The following NAALADL2 variants were observed in gnomAD, a reference collection of about 807,000 sequenced individuals.
NAALADL2 encodes the protein N-acetylated alpha-linked acidic dipeptidase like 2.
In NAALADL2, 76 loss-of-function variants were observed where a neutral mutation model predicts 87.2. That is an observed-to-expected ratio of 0.87 (90% confidence interval 0.72 to 1.05). The LOEUF (loss-of-function observed/expected upper bound fraction) is 1.05, where lower values mean the gene tolerates loss of function less well. NAALADL2 is among the 50% of genes least tolerant of loss of function. The pLI, the probability that NAALADL2 is intolerant of heterozygous loss-of-function variation, is 0.00. For synonymous variants in NAALADL2, 354 were observed against 331.0 expected, an observed-to-expected ratio of 1.07 and a Z score of -0.75; for missense variants, 1,089 against 945.8, an observed-to-expected ratio of 1.15 and a Z score of -1.99.
chr3:174,537,465 A>G (rs1578116984), intron 1 of NAALADL2, among the ~76,000 whole-genome samples: 1 of 152,338 alleles, frequency 6.6e-6, no homozygotes, highest in African/African-American at 2.4e-5. Context: ...CATTCATTCA[A>G]CAAATATTTA....
At chr3:175,788,948 G>T (rs1046111030) in intron 13 of NAALADL2, among the ~76,000 whole-genome samples, 2 of 152,078 alleles carry the variant, frequency 1.3e-5, no homozygotes, top group Non-Finnish European at 2.9e-5. Context: ...TTCTGAGGAA[G>T]GGAAGATAAA....
At chr3:174,548,989 C>T (rs1307588524) in intron 1 of NAALADL2, among the ~76,000 whole-genome samples, 1 of 152,114 alleles carries the variant, frequency 6.6e-6, no homozygotes. Flanking sequence ...TACAGTCATG[C>T]AGCACCATGC....
intron 11 of NAALADL2, among the ~76,000 whole-genome samples, chr3:175,688,601 A>G (rs573225337): frequency 6.6e-6 from 1 of 152,274 alleles, no homozygotes; most frequent in African/African-American, 2.4e-5. Flanking sequence ...GTAGATAAGC[A>G]GAGACACAGG....
intron 12 of NAALADL2, among the ~76,000 whole-genome samples, chr3:175,750,605 C>T (rs114262428): frequency 0.022 from 3,370 of 152,184 alleles, 42 homozygotes; most frequent in Non-Finnish European, 0.034. Context: ...AAATGGAACA[C>T]TCTCCCTCAA....
At chr3:174,483,329 T>C (rs1247074415) in intron 1 of NAALADL2, among the ~76,000 whole-genome samples, 1 of 152,008 alleles carries the variant, frequency 6.6e-6, no homozygotes, top group Admixed American at 6.6e-5. Context: ...AGTCACCTTC[T>C]TCACAAGGTG....
chr3:175,210,019 A>G (rs1316201458), intron 2 of NAALADL2, among the ~76,000 whole-genome samples: 1 of 151,924 alleles, frequency 6.6e-6, no homozygotes, highest in Non-Finnish European at 1.5e-5. Context: ...TATTAATATT[A>G]TACATACAAT....
chr3:175,609,132 A>C (rs2149667279), intron 10 of NAALADL2, among the ~76,000 whole-genome samples: 1 of 152,246 alleles, frequency 6.6e-6, no homozygotes, highest in Admixed American at 6.5e-5. Context: ...GATTAACAAA[A>C]GGTTTTCAGT....
At chr3:174,778,480 T>G (rs1715508908) in intron 3 of NAALADL2, among the ~76,000 whole-genome samples, 1 of 151,984 alleles carries the variant, frequency 6.6e-6, no homozygotes, top group African/African-American at 2.4e-5. Context: ...TGTTATTTAT[T>G]TATTTATTTA....
chr3:174,865,195 A>T (rs532469564), intron 1 of NAALADL2, among the ~76,000 whole-genome samples: 137 of 152,196 alleles, frequency 9.0e-4, no homozygotes, highest in Admixed American at 4.2e-3. Context: ...GTCCAAAAAA[A>T]AATAATAAAG....
At chr3:175,411,652 A>G (rs1713540809) in intron 5 of NAALADL2, among the ~76,000 whole-genome samples, 1 of 152,164 alleles carries the variant, frequency 6.6e-6, no homozygotes, top group Non-Finnish European at 1.5e-5. Context: ...TGTAACAAAG[A>G]AAAGGGATGG....
intron 2 of NAALADL2, among the ~76,000 whole-genome samples, chr3:174,700,105 G>C (rs917627464): frequency 1.4e-5 from 2 of 140,028 alleles, no homozygotes; most frequent in African/African-American, 5.6e-5. Flanking sequence ...TGAAAGCATT[G>C]ATCTGAAAAA....
At chr3:174,505,712 T>TA (rs1430656890) in intron 1 of NAALADL2, among the ~76,000 whole-genome samples, 21 of 152,166 alleles carry the variant, frequency 1.4e-4, no homozygotes, top group African/African-American at 5.1e-4. Flanking sequence ...TCTGACACTT[T>TA]AAAAAATCAT....
At chr3:175,411,362 A>G (rs1713477258) in intron 5 of NAALADL2, among the ~76,000 whole-genome samples, 1 of 152,172 alleles carries the variant, frequency 6.6e-6, no homozygotes, top group Non-Finnish European at 1.5e-5. Flanking sequence ...AAGAGGGATT[A>G]AGTAGTATGT....
At chr3:174,873,167 A>G (rs991300041) in intron 1 of NAALADL2, among the ~76,000 whole-genome samples, 1 of 151,918 alleles carries the variant, frequency 6.6e-6, no homozygotes, top group African/African-American at 2.4e-5. Context: ...GTTTTATGTA[A>G]TGAATTAAAC....
At chr3:174,650,871 T>C (rs1488411628) in intron 2 of NAALADL2, among the ~76,000 whole-genome samples, 1 of 152,176 alleles carries the variant, frequency 6.6e-6, no homozygotes, top group Non-Finnish European at 1.5e-5. Flanking sequence ...CATGATTGAT[T>C]TATGATGCCT....
At chr3:174,695,211 C>T (rs1238325770) in intron 2 of NAALADL2, among the ~76,000 whole-genome samples, 3 of 151,944 alleles carry the variant, frequency 2.0e-5, no homozygotes, top group Non-Finnish European at 4.4e-5. Flanking sequence ...GTGAATAAGA[C>T]AGTCCTTAGT....
intron 11 of NAALADL2, among the ~76,000 whole-genome samples, chr3:175,728,240 T>A (rs546494761): frequency 1.8e-4 from 27 of 152,274 alleles, no homozygotes; most frequent in Admixed American, 7.8e-4. Context: ...GATGATAATG[T>A]GGAGAATGTG....
At chr3:175,493,604 A>G (rs1234595408) in intron 9 of NAALADL2, among the ~76,000 whole-genome samples, 1 of 152,156 alleles carries the variant, frequency 6.6e-6, no homozygotes, top group Non-Finnish European at 1.5e-5. Flanking sequence ...TGAAAACTGC[A>G]TATTTTAACC....
chr3:174,942,594 A>T (rs1470735684), intron 1 of NAALADL2, among the ~76,000 whole-genome samples: 3 of 152,096 alleles, frequency 2.0e-5, no homozygotes, highest in African/African-American at 7.2e-5. Flanking sequence ...GCAAGGCTGG[A>T]GACGTTTTCA....
Sources: allele counts gnomAD v4.1 joint callset (sites outside exome capture counted in the v4.1 genomes callset), GRCh38; gene constraint gnomAD v4.1.1; transcripts MANE v1.5; gene names NCBI Gene and HGNC (gene_info 2026-07-23, HGNC 2026-07-21).